The following EYS variants were observed in gnomAD, a reference collection of about 807,000 sequenced individuals.
The protein encoded by EYS is EGF-like photoreceptor maintenance factor, also known as protein eyes shut homolog.
In EYS, 250 loss-of-function variants were observed where a neutral mutation model predicts 282.1. The observed-to-expected ratio is 0.89, with a 90% CI of 0.80 to 0.98. The LOEUF is 0.98. EYS is among the 50% of genes least tolerant of loss of function. The probability of loss-of-function intolerance (pLI) is 0.00; values close to 1 mark genes in which losing one functional copy is unlikely to be tolerated. For synonymous variants in EYS, 1,355 were observed against 1,282.9 expected (o/e 1.06, Z -1.20); for missense variants, 4,016 against 3,709.0 (o/e 1.08, Z -2.15).
At chr6:65,613,442 C>T (rs1032024562) in intron 2 of EYS, among the ~76,000 whole-genome samples, 1 of 151,678 alleles carries the variant, frequency 6.6e-6, no homozygotes, top group African/African-American at 2.4e-5. Flanking sequence ...TGTGGGAAAT[C>T]TGAATTTGAA....
chr6:64,857,872 T>C (rs1459645409), intron 19 of EYS, among the ~76,000 whole-genome samples: 2 of 152,204 alleles, frequency 1.3e-5, no homozygotes, highest in African/African-American at 2.4e-5. Flanking sequence ...TTGAGCATTT[T>C]TTCATATACC....
chr6:64,767,684 G>A (rs1773396730), intron 22 of EYS, among the ~76,000 whole-genome samples: 1 of 152,040 alleles, frequency 6.6e-6, no homozygotes, highest in Admixed American at 6.6e-5. Context: ...TCGTTCATCT[G>A]TTGTTGGACA....
chr6:65,324,698 A>T (rs1418980426), intron 11 of EYS, among the ~76,000 whole-genome samples: 2 of 152,194 alleles, frequency 1.3e-5, no homozygotes, highest in Non-Finnish European at 2.9e-5. Context: ...TACATAAGTA[A>T]CCTGGACTTT....
At chr6:64,073,282 T>C (rs1049009485) in intron 32 of EYS, among the ~76,000 whole-genome samples, 6 of 151,848 alleles carry the variant, frequency 4.0e-5, no homozygotes, top group African/African-American at 1.4e-4. Context: ...AAATAACATA[T>C]GATGGTAGGT....
chr6:64,794,952 C>A (rs570780363), intron 22 of EYS, among the ~76,000 whole-genome samples: 1 of 152,118 alleles, frequency 6.6e-6, no homozygotes, highest in South Asian at 2.1e-4. Flanking sequence ...TAGACATTAC[C>A]AGCCAGGTGC....
intron 33 of EYS, among the ~76,000 whole-genome samples, chr6:64,030,509 C>T (rs1769770406): frequency 6.6e-6 from 1 of 152,194 alleles, no homozygotes; most frequent in African/African-American, 2.4e-5. Context: ...GAAAGAAGGA[C>T]TCTGCACCTT....
intron 26 of EYS, among the ~76,000 whole-genome samples, chr6:64,516,919 CAT>C (rs1201723903): frequency 2.0e-5 from 3 of 151,598 alleles, no homozygotes; most frequent in Non-Finnish European, 2.9e-5. Flanking sequence ...CTATACAAAA[CAT>C]ATTATATAAA....
At chr6:65,423,697 G>T (rs1302123679) in intron 5 of EYS, among the ~76,000 whole-genome samples, 2 of 151,712 alleles carry the variant, frequency 1.3e-5, no homozygotes, top group African/African-American at 4.8e-5. Context: ...ATTCACCCTA[G>T]GCCCAACTCA....
intron 11 of EYS, chr6:65,329,372 A>G (rs1769714098): frequency 3.4e-6 from 3 of 882,798 alleles, no homozygotes; most frequent in Non-Finnish European, 4.1e-6. Flanking sequence ...GCTTAAATGA[A>G]TGATTTCTAT....
At chr6:64,630,077 T>C (rs1453886001) in intron 22 of EYS, among the ~76,000 whole-genome samples, 4 of 152,074 alleles carry the variant, frequency 2.6e-5, no homozygotes, top group African/African-American at 9.7e-5. Context: ...CCTTTTATTC[T>C]GAGATTTTTT....
At chr6:64,652,849 G>T (rs555762106) in intron 22 of EYS, among the ~76,000 whole-genome samples, 1 of 152,156 alleles carries the variant, frequency 6.6e-6, no homozygotes, top group South Asian at 2.1e-4. Flanking sequence ...TACAAACTTC[G>T]TAAGAACTAT....
chr6:64,635,610 A>G (rs1016354814), intron 22 of EYS, among the ~76,000 whole-genome samples: 9 of 152,172 alleles, frequency 5.9e-5, no homozygotes, highest in Non-Finnish European at 1.3e-4. Flanking sequence ...GGTTCTGTTT[A>G]TATGCTGGAT....
At chr6:64,914,114 G>A (rs1768089472) in intron 15 of EYS, among the ~76,000 whole-genome samples, 1 of 152,012 alleles carries the variant, frequency 6.6e-6, no homozygotes, top group African/African-American at 2.4e-5. Context: ...GACAGGAGGG[G>A]GAAAGGGTTT....
At chr6:64,448,409 CTG>C (rs1204077896) in intron 26 of EYS, among the ~76,000 whole-genome samples, 1 of 152,220 alleles carries the variant, frequency 6.6e-6, no homozygotes, top group East Asian at 1.9e-4. Context: ...CTGCCTGCCT[CTG>C]TAGGCTCCAC....
intron 19 of EYS, among the ~76,000 whole-genome samples, chr6:64,842,790 G>A (rs1046122300): frequency 2.9e-4 from 44 of 152,158 alleles, no homozygotes; most frequent in Admixed American, 2.5e-3. Context: ...GCAGCAAAGC[G>A]TTCAAGCAGT....
intron 22 of EYS, among the ~76,000 whole-genome samples, chr6:64,680,495 C>T (rs2149903779): frequency 6.6e-6 from 1 of 152,304 alleles, no homozygotes; most frequent in South Asian, 2.1e-4. Context: ...GTGAATATGG[C>T]TGAGAAGATG....
intron 30 of EYS, among the ~76,000 whole-genome samples, chr6:64,273,008 A>G (rs1423850567): frequency 2.6e-5 from 4 of 152,070 alleles, no homozygotes; most frequent in Non-Finnish European, 5.9e-5. Flanking sequence ...TCGGTTTTCT[A>G]TGAGGGTAAT....
chr6:64,434,004 C>T (rs181970572), intron 28 of EYS, among the ~76,000 whole-genome samples: 1 of 152,064 alleles, frequency 6.6e-6, no homozygotes, highest in East Asian at 1.9e-4. Context: ...TGTTGATGCC[C>T]TAGCCATCAG....
intron 22 of EYS, among the ~76,000 whole-genome samples, chr6:64,719,338 G>T (rs1288306016): frequency 6.6e-6 from 1 of 152,018 alleles, no homozygotes; most frequent in Non-Finnish European, 1.5e-5. Context: ...GTGAACTTTT[G>T]GGTAATTTAT....
Sources: allele counts gnomAD v4.1 joint callset (sites outside exome capture counted in the v4.1 genomes callset), GRCh38; gene constraint gnomAD v4.1.1; transcripts MANE v1.5; gene names NCBI Gene and HGNC (gene_info 2026-07-23, HGNC 2026-07-21).